Variants in ORC5 observed in about 807,000 individuals in gnomAD.
ORC5 encodes origin recognition complex subunit 5.
Under a neutral mutation model 58.8 loss-of-function variants are expected in ORC5, and 39 were observed. That is an observed-to-expected ratio of 0.66 (90% confidence interval 0.51 to 0.87). ORC5 has a LOEUF of 0.87. Ranked by LOEUF, ORC5 falls within the 40% of genes least tolerant of loss-of-function variation. The probability of loss-of-function intolerance (pLI) is 0.00; values close to 1 mark genes in which losing one functional copy is unlikely to be tolerated. For missense variants in ORC5, 493 were observed against 506.3 expected, an observed-to-expected ratio of 0.97 and a Z score of 0.25; for synonymous variants, 218 against 177.6, an observed-to-expected ratio of 1.23 and a Z score of -1.81.
intron 8 of ORC5, among the ~76,000 whole-genome samples, chr7:104,179,778 T>C (rs1799397637): frequency 6.6e-6 from 1 of 152,176 alleles, no homozygotes; most frequent in Non-Finnish European, 1.5e-5. Context: ...CTTCTCAGAC[T>C]TATATCTCAG....
chr7:104,196,142 A>G (rs1467221645), intron 4 of ORC5, among the ~76,000 whole-genome samples: 1 of 152,204 alleles, frequency 6.6e-6, no homozygotes, highest in African/African-American at 2.4e-5. Flanking sequence ...ATTGAAACTA[A>G]AAAACGGTGA....
chr7:104,206,725 G>A (rs531001012), intron 1 of ORC5, among the ~76,000 whole-genome samples: 12 of 152,262 alleles, frequency 7.9e-5, no homozygotes, highest in Admixed American at 4.6e-4. Flanking sequence ...TACATTCAAA[G>A]ATGGACCACA....
At chr7:104,196,914 A>G (rs1283598595) in intron 4 of ORC5, among the ~76,000 whole-genome samples, 4 of 152,166 alleles carry the variant, frequency 2.6e-5, no homozygotes, top group African/African-American at 9.7e-5. Flanking sequence ...TTTCACCTGG[A>G]AACAACCACA....
intron 6 of ORC5, among the ~76,000 whole-genome samples, chr7:104,187,325 A>G (rs116178272): frequency 1.4e-3 from 210 of 152,344 alleles, no homozygotes; most frequent in African/African-American, 4.6e-3. Context: ...TCTACATGTA[A>G]ATCAGAGGAG....
Position 104,184,102 on chromosome 7 carries a change from T to C in ORC5, c.733+21A>G, listed in dbSNP as rs751911247. The C allele has an allele frequency of 3.8e-6, 6 of 1,586,906 alleles. No individual in the cohort carries two copies. In the African/African-American group the frequency reaches 6.8e-5, roughly 18 times the overall value. Reference sequence around the variant, plus strand: ...AAACCTTTCTCAAAATAAATATTAATGAGTAAAATTACACAGTTACCTTCT... The same window carrying C: ...AAACCTTTCTCAAAATAAATATTAACGAGTAAAATTACACAGTTACCTTCT... On this transcript the variant is annotated intron_variant, in intron 7 of 13. Transcript: ENST00000297431.
intron 12 of ORC5, among the ~76,000 whole-genome samples, chr7:104,158,966 C>T (rs1783829764): frequency 6.6e-6 from 1 of 152,024 alleles, no homozygotes; most frequent in South Asian, 2.1e-4. Flanking sequence ...ACCCAGCCAT[C>T]GCAATCCTGG....
chr7:104,151,890 C>T (rs1489253601), intron 12 of ORC5, among the ~76,000 whole-genome samples: 1 of 152,140 alleles, frequency 6.6e-6, no homozygotes, highest in African/African-American at 2.4e-5. Context: ...CAATTAACCA[C>T]CACCATTCAG....
intron 12 of ORC5, among the ~76,000 whole-genome samples, chr7:104,141,022 C>G (rs1301776154): frequency 6.6e-6 from 1 of 152,122 alleles, no homozygotes; most frequent in Non-Finnish European, 1.5e-5. Flanking sequence ...CAGAAACTCA[C>G]CTGACTAGGA....
At chr7:104,185,372 A>G (rs1228321160) in intron 6 of ORC5, among the ~76,000 whole-genome samples, 2 of 152,198 alleles carry the variant, frequency 1.3e-5, no homozygotes, top group Non-Finnish European at 2.9e-5. Context: ...ACTTCCCTAC[A>G]GTAACAAAGC....
At chr7:104,147,570 T>C (rs2115795789) in intron 12 of ORC5, among the ~76,000 whole-genome samples, 1 of 152,242 alleles carries the variant, frequency 6.6e-6, no homozygotes, top group Non-Finnish European at 1.5e-5. Context: ...CTTCACTTAA[T>C]AGATGATGAA....
chr7:104,151,268 C>T (rs897181192), intron 12 of ORC5, among the ~76,000 whole-genome samples: 1 of 152,008 alleles, frequency 6.6e-6, no homozygotes, highest in Non-Finnish European at 1.5e-5. Flanking sequence ...TGCTGATGAC[C>T]GTATGGATGA....
At chr7:104,159,730 C>CATTT (rs1798993023) in intron 12 of ORC5, among the ~76,000 whole-genome samples, 1 of 152,052 alleles carries the variant, frequency 6.6e-6, no homozygotes, top group Admixed American at 6.6e-5. Flanking sequence ...CTTTAAATCT[C>CATTT]AAAGGTTTAC....
intron 8 of ORC5, among the ~76,000 whole-genome samples, chr7:104,178,878 A>G (rs544487383): frequency 1.3e-5 from 2 of 152,252 alleles, no homozygotes; most frequent in South Asian, 2.1e-4. Flanking sequence ...ATCCCGAAAC[A>G]TAAGATGTAT....
intron 12 of ORC5, among the ~76,000 whole-genome samples, chr7:104,141,470 A>C (rs1159083418): frequency 6.6e-6 from 1 of 152,198 alleles, no homozygotes; most frequent in Non-Finnish European, 1.5e-5. Flanking sequence ...ATCTTTTGCC[A>C]CTTGCTAGCA....
chr7:104,131,800 C>T (rs1278812968), intron 13 of ORC5, among the ~76,000 whole-genome samples: 8 of 150,112 alleles, frequency 5.3e-5, no homozygotes, highest in African/African-American at 1.2e-4. Context: ...TGCAGTGAGC[C>T]GAGATCGTGC....
At chr7:104,185,557 T>C (rs1023407841) in intron 6 of ORC5, among the ~76,000 whole-genome samples, 2 of 152,154 alleles carry the variant, frequency 1.3e-5, no homozygotes, top group African/African-American at 4.8e-5. Context: ...CTACCTGCGA[T>C]TGTTATAAAT....
intron 12 of ORC5, among the ~76,000 whole-genome samples, chr7:104,140,862 A>C (rs1158515303): frequency 6.6e-6 from 1 of 152,206 alleles, no homozygotes; most frequent in Non-Finnish European, 1.5e-5. Flanking sequence ...TTTAGCCTGC[A>C]AAGTCTAAAA....
chr7:104,187,095 G>C (rs901660069), intron 6 of ORC5, among the ~76,000 whole-genome samples: 1 of 152,246 alleles, frequency 6.6e-6, no homozygotes, highest in African/African-American at 2.4e-5. Context: ...AGTGGTAACT[G>C]CAAGTTACTT....
At position 104,136,591 on chromosome 7, in the gene ORC5, T is replaced by C. The variant is rs1466688152; in HGVS notation, c.1262+190A>G. On this transcript the variant is annotated intron_variant, in intron 13 of 13. Transcript: ENST00000297431. This position sits in a 1 kb window ranked among gnomAD's most constrained non-coding sequence, Gnocchi z 4.2. ...GAATCTTGATTTTTGTCCTCTAACATATTAGCTATTTCTCCCAGTTTTACA... is the reference window on the plus strand; with the variant it reads ...GAATCTTGATTTTTGTCCTCTAACACATTAGCTATTTCTCCCAGTTTTACA... 6.6e-6 allele frequency among the ~76,000 whole-genome samples: 1 copy of C among 152,216 alleles called. No individual in the cohort carries two copies. Among genetic ancestry groups the C allele is most frequent in the Non-Finnish European group, 1.5e-5 (1 of 68,036 alleles).
Sources: gnomAD v4.1 joint callset for allele counts (sites outside exome capture counted in the v4.1 genomes callset) on GRCh38, gnomAD v4.1.1 for gene constraint, Gnocchi (gnomAD v3.1) non-coding constraint, MANE v1.5 for transcripts, NCBI Gene and HGNC (gene_info 2026-07-23, HGNC 2026-07-21) for gene names.